Variants in PARVB observed in about 807,000 individuals in gnomAD.
PARVB encodes parvin beta.
In PARVB, 46 loss-of-function variants were observed where a neutral mutation model predicts 47.0. The ratio of observed to expected loss-of-function variants is 0.98; its 90% CI spans 0.77 to 1.25. PARVB has a LOEUF of 1.25. PARVB is among the 50% of genes most tolerant of loss of function. The pLI is 0.00. For synonymous variants in PARVB, 196 were observed against 196.3 expected, an observed-to-expected ratio of 1.00 and a Z score of 0.01; for missense variants, 473 against 471.6, an observed-to-expected ratio of 1.00 and a Z score of -0.03.
In PARVB at chr22:44,125,547, C is replaced by T. The variant is rs2053168411; in HGVS notation, c.377-5940C>T. Among the ~76,000 whole-genome samples the T allele has an allele frequency of 6.6e-6, 1 of 152,116 alleles. No individual in the cohort carries two copies. Among genetic ancestry groups the T allele is most frequent in the Non-Finnish European group, 1.5e-5 (1 of 68,022 alleles). On this transcript the variant is annotated intron_variant, in intron 4 of 12. Coordinates refer to ENST00000338758, the MANE Select transcript of PARVB (RefSeq NM_013327.5). The surrounding 1 kb of genome is among the most constrained non-coding windows in gnomAD (Gnocchi z 4.1). ...TCTGAGCACATGTCTGCACAGTGAG[C>T]TTGGGAAGGGCGTTCTGGGCTGAGG...
chr22:44,062,915 A>G (rs544356311), intron 1 of PARVB, among the ~76,000 whole-genome samples: 1 of 152,176 alleles, frequency 6.6e-6, no homozygotes, highest in Admixed American at 6.5e-5. Flanking sequence ...TATTAGTTCA[A>G]TCTCCAGCCC....
At chr22:44,034,775 A>G (rs1245034797) in intron 1 of PARVB, among the ~76,000 whole-genome samples, 3 of 146,126 alleles carry the variant, frequency 2.1e-5, no homozygotes, top group African/African-American at 7.6e-5. Context: ...CAGTGGTGCA[A>G]TCTTGGCTCA....
intron 1 of PARVB, among the ~76,000 whole-genome samples, chr22:44,059,674 G>A (rs2051384020): frequency 6.6e-6 from 1 of 152,174 alleles, no homozygotes; most frequent in African/African-American, 2.4e-5. Context: ...TGTGAATGTT[G>A]GGTGTACATT....
chr22:44,144,342 G>A (rs1046422360), intron 8 of PARVB: 1 of 152,310 alleles, frequency 6.6e-6, no homozygotes, highest in African/African-American at 2.4e-5. Flanking sequence ...GGTGGCAGTG[G>A]GGAGTGGTGG....
At chr22:44,019,194 G>A (rs2050617928) in intron 2 of PARVB, among the ~76,000 whole-genome samples, 1 of 151,812 alleles carries the variant, frequency 6.6e-6, no homozygotes, top group African/African-American at 2.4e-5. Context: ...TGGGATTACA[G>A]GCGTGAGCCA....
chr22:44,158,163 C>A (rs940116392), intron 11 of PARVB, 80 bp downstream of exon 11: 10 of 923,732 alleles, frequency 1.1e-5, no homozygotes, highest in Admixed American at 4.1e-5. Flanking sequence ...CCCGGCAGCT[C>A]TTCCTGCAGC....
intron 1 of PARVB, among the ~76,000 whole-genome samples, chr22:44,034,721 T>C (rs1380202752): frequency 6.7e-6 from 1 of 149,468 alleles, no homozygotes; most frequent in African/African-American, 2.5e-5. Flanking sequence ...TTTTTTTTTT[T>C]TTTTTTTGAG....
At chr22:44,094,635 A>G (rs2052255714) in intron 2 of PARVB, among the ~76,000 whole-genome samples, 1 of 148,390 alleles carries the variant, frequency 6.7e-6, no homozygotes, top group Non-Finnish European at 1.5e-5. Flanking sequence ...GACTACAGGC[A>G]TGTGCCACCC....
intron 3 of PARVB, chr22:44,108,025 CACT>C (rs2052607306): frequency 6.6e-6 from 1 of 152,226 alleles, no homozygotes; most frequent in African/African-American, 2.4e-5. Context: ...AGGCGCCCGC[CACT>C]ACGCCCAGCT....
intron 11 of PARVB, among the ~76,000 whole-genome samples, chr22:44,161,256 AC>A (rs1275310304): frequency 3.3e-5 from 5 of 149,866 alleles, no homozygotes; most frequent in African/African-American, 1.2e-4. Context: ...CACAGATTCT[AC>A]GTTTCAGTCC....
rs1177694008 is a variant in PARVB, at chr22:44,131,403, A to T, written c.377-84A>T. ...GTGATTCACCCACCTCGGCCTCTCAAACTGCTGGGATTACAGGCATGAGCC... is the reference window on the plus strand; with the variant it reads ...GTGATTCACCCACCTCGGCCTCTCATACTGCTGGGATTACAGGCATGAGCC... On this transcript the variant is annotated intron_variant, in intron 4 of 12. Coordinates refer to ENST00000338758, the MANE Select transcript of PARVB (RefSeq NM_013327.5). The T allele has an allele frequency of 8.0e-6, 12 of 1,492,668 alleles. No individual in the cohort carries two copies. In the East Asian group the frequency reaches 2.7e-4, roughly 34 times the overall value. 92.5% of individuals were successfully genotyped at this position (1,492,668 alleles called of 1,614,324 possible). A position where few individuals can be genotyped will look rare whatever the true frequency, so the allele number is the denominator to read the frequency against.
chr22:44,100,817 A>T (rs964539761), intron 3 of PARVB, among the ~76,000 whole-genome samples: 3 of 152,078 alleles, frequency 2.0e-5, no homozygotes, highest in Admixed American at 6.5e-5. Context: ...GAATCCCCTG[A>T]AGAGGAGAGG....
rs114588271 is a variant in PARVB at position 44,060,732 on chromosome 22, C to T, written c.113-33196C>T. On this transcript the variant is annotated intron_variant, in intron 1 of 12. Coordinates refer to ENST00000338758, the MANE Select transcript of PARVB (RefSeq NM_013327.5). ...CAGGATGGGAAGAGGTCTAATCAGC[C>T]GGCTGGAGTGGGGTGCTGGGTTTAG... Among the ~76,000 whole-genome samples, 524 of 152,008 alleles carry T rather than the reference C, an allele frequency of 3.4e-3. 2 individuals are homozygous for T. The highest frequency in any genetic ancestry group is 0.012 in the African/African-American group (498 of 41,492).
chr22:44,020,230 A>C (rs147596539), upstream of PARVB, among the ~76,000 whole-genome samples: 69 of 149,504 alleles, frequency 4.6e-4, no homozygotes, highest in East Asian at 9.7e-3. Flanking sequence ...AGGCTGGAGT[A>C]CAGTGGCATG....
At chr22:44,039,434 G>T (rs1215385544) in intron 1 of PARVB, among the ~76,000 whole-genome samples, 1 of 152,038 alleles carries the variant, frequency 6.6e-6, no homozygotes, top group Non-Finnish European at 1.5e-5. Flanking sequence ...CCAGCTACTT[G>T]GGAGGCTGAG....
At position 44,100,047 on chromosome 22, in the gene PARVB, T is replaced by C. The variant is rs760242974; in HGVS notation, c.203-6T>C. 6.2e-7 allele frequency: 1 copy of C among 1,613,630 alleles called. No homozygotes were observed. The highest frequency in any genetic ancestry group is 1.1e-5 in the South Asian group (1 of 91,066). On this transcript the variant is annotated splice_polypyrimidine_tract_variant and splice_region_variant and intron_variant, in intron 2 of 12. Transcript: ENST00000338758. ...GCTGACCGTGACTTCCTTTTGTCCCTGGCAGAGGAGAACGAGGAGCGCACG... is the reference window on the plus strand; with the variant it reads ...GCTGACCGTGACTTCCTTTTGTCCCCGGCAGAGGAGAACGAGGAGCGCACG...
In PARVB at chr22:44,068,661, C is replaced by A. The variant is rs374688224; in HGVS notation, c.113-25267C>A. Among the ~76,000 whole-genome samples the A allele has an allele frequency of 1.3e-3, 203 of 152,316 alleles. 1 individual carries two copies. Among genetic ancestry groups the A allele is most frequent in the South Asian group, 7.5e-3 (36 of 4,830 alleles). ...GAGATGCAGCTGGGGTGGCACGTGC[C>A]CACAGTGGTGCCACCTCTTGCCGGG... On this transcript the variant is annotated intron_variant, in intron 1 of 12. Coordinates refer to ENST00000338758, the MANE Select transcript of PARVB (RefSeq NM_013327.5). The surrounding 1 kb of genome is among the most constrained non-coding windows in gnomAD (Gnocchi z 4.1).
intron 1 of PARVB, among the ~76,000 whole-genome samples, chr22:44,062,102 C>T (rs66631890): frequency 0.14 from 21,018 of 152,228 alleles, 1,684 homozygotes; most frequent in Middle Eastern, 0.22. Flanking sequence ...TTCCTTCCCT[C>T]TGCTCACATA....
intron 3 of PARVB, among the ~76,000 whole-genome samples, chr22:44,101,534 G>T (rs991393990): frequency 6.6e-6 from 1 of 152,114 alleles, no homozygotes; most frequent in Non-Finnish European, 1.5e-5. Context: ...TGGATCACCT[G>T]AGGTGAGGAG....
Sources: allele counts gnomAD v4.1 joint callset (sites outside exome capture counted in the v4.1 genomes callset), GRCh38; gene constraint gnomAD v4.1.1; non-coding constraint Gnocchi (gnomAD v3.1); transcripts MANE v1.5; gene names NCBI Gene and HGNC (gene_info 2026-07-23, HGNC 2026-07-21).